Variants in MACF1 observed in about 807,000 individuals in gnomAD.
MACF1 encodes the protein microtubule actin crosslinking factor 1.
A neutral mutation model predicts 854.8 loss-of-function variants in MACF1; 193 were observed. That is an observed-to-expected ratio of 0.23 (90% CI 0.20 to 0.25). The LOEUF is 0.25. Among genes scored for constraint, MACF1 ranks in the 10% least tolerant of loss-of-function variants. The pLI is 1.00. For missense variants in MACF1, 7,722 were observed against 8,929.1 expected, an observed-to-expected ratio of 0.86 and a Z score of 5.45; for synonymous variants, 3,185 against 3,226.7, an observed-to-expected ratio of 0.99 and a Z score of 0.44.
chr1:39,315,449 G>T, intron 26 of MACF1, 64 bp from the exon 27 acceptor site: 3 of 1,491,780 alleles, frequency 2.0e-6, no homozygotes, highest in Non-Finnish European at 1.8e-6. Context: ...TACAAATGTG[G>T]ACTTCTTTCT....
In MACF1 at chr1:39,385,661, C is replaced by G. The variant is rs751099693; in HGVS notation, c.14076C>G (p.Leu4692=). 1.9e-6 allele frequency: 3 copies of G among 1,614,144 alleles called. No homozygotes were observed. Among genetic ancestry groups the G allele is most frequent in the Non-Finnish European group, 2.5e-6 (3 of 1,180,032 alleles). Residue 4692 remains leucine, a synonymous_variant, in exon 57 of 101, where the codon CTC becomes CTG. Transcript: ENST00000564288. The stretch of plus-strand genomic sequence containing the variant: ...AGAGCACCCAGTACCAGGAACTGCT[C>G]CAGGACTTATCAGAGAAGGTGAGGG... The part of the protein sequence containing the change: ...IVKSTQYQEL[L]QDLSEKVRAV...
rs1646258088 is a variant in MACF1, at chr1:39,309,552, G to A, written c.2790-18G>A. 6.2e-7 allele frequency: 1 copy of A among 1,613,760 alleles called. No individual in the cohort carries two copies. The highest frequency in any genetic ancestry group is 2.2e-5 in the East Asian group (1 of 44,882). On this transcript the variant is annotated intron_variant, in intron 23 of 100. Coordinates refer to ENST00000564288, the MANE Select transcript of MACF1 (RefSeq NM_001394062.1). Reference sequence around the variant, plus strand: ...GAAGTCTTACAAAGGTAATAGTCAGGTTCTGTGTTATTTCTAGGGTCGAAC... The same window carrying A: ...GAAGTCTTACAAAGGTAATAGTCAGATTCTGTGTTATTTCTAGGGTCGAAC...
chr1:39,279,892 A>G (rs1174385481), intron 6 of MACF1, among the ~76,000 whole-genome samples: 2 of 152,202 alleles, frequency 1.3e-5, no homozygotes, highest in African/African-American at 2.4e-5. Flanking sequence ...TATTATAAAA[A>G]TAAAGTGTGG....
At chr1:39,431,157 C>T (rs1643870388) in intron 66 of MACF1, among the ~76,000 whole-genome samples, 1 of 152,176 alleles carries the variant, frequency 6.6e-6, no homozygotes, top group Admixed American at 6.5e-5. Context: ...GAGGCCTTTT[C>T]TTAGCTAATG....
At position 39,190,389 on chromosome 1, in the gene MACF1, G is replaced by T. The variant is rs999294497; in HGVS notation, c.221-40793G>T. On this transcript the variant is annotated intron_variant, in intron 2 of 93. Coordinates refer to the MACF1 transcript ENST00000361689. Reference sequence around the variant, plus strand: ...TTCTTTTGTGTGTGTGTGTGTGTGTGTGTTTGTTTTTGTTTTTTTTTTTTT... The same window carrying T: ...TTCTTTTGTGTGTGTGTGTGTGTGTTTGTTTGTTTTTGTTTTTTTTTTTTT... Among the ~76,000 whole-genome samples the T allele has an allele frequency of 5.4e-3, 401 of 74,400 alleles. 2 individuals are homozygous for T. The highest frequency in any genetic ancestry group is 9.2e-3 in the Non-Finnish European group (317 of 34,434). 48.8% of individuals were successfully genotyped at this position (74,400 alleles called of 152,430 possible).
At position 39,481,015 on chromosome 1, in the gene MACF1, G is replaced by A; in HGVS notation, c.22266G>A (p.Gln7422=). The change falls in exon 99 of 101, where the codon CAG becomes CAA. Residue 7422 remains glutamine, a synonymous_variant. Coordinates refer to ENST00000564288, the MANE Select transcript of MACF1 (RefSeq NM_001394062.1). The part of the protein sequence containing the change: ...PIRDSHSPDL[Q]LPTPEVIPSS... ...GGGACAGCCATTCTCCTGACCTCCA[G>A]CTGCCCACCCCCGAGGTAGAGTATG... The A allele has an allele frequency of 1.9e-6, 3 of 1,550,076 alleles. No homozygotes were observed. Among genetic ancestry groups the A allele is most frequent in the Non-Finnish European group, 2.6e-6 (3 of 1,146,440 alleles).
chr1:39,475,328 G>T (rs984051157), intron 97 of MACF1, among the ~76,000 whole-genome samples: 1 of 152,090 alleles, frequency 6.6e-6, no homozygotes, highest in Non-Finnish European at 1.5e-5. Flanking sequence ...AATTAGCCAG[G>T]CAAGGTGGTA....
intron 95 of MACF1, 163 bp from the exon 96 acceptor site, chr1:39,468,452 A>T: frequency 1.7e-6 from 1 of 582,100 alleles, no homozygotes; most frequent in Non-Finnish European, 3.0e-6. Context: ...TTCTATTTTT[A>T]AAATCCTTTT....
intron 1 of MACF1, among the ~76,000 whole-genome samples, chr1:39,207,807 T>C (rs1321832760): frequency 6.6e-6 from 1 of 152,112 alleles, no homozygotes; most frequent in Non-Finnish European, 1.5e-5. Flanking sequence ...CATCTAAAAA[T>C]TGATTCTCTG....
intron 58 of MACF1, chr1:39,414,647 T>G (rs3768302): frequency 0.2 from 203,978 of 1,034,162 alleles, 21,473 homozygotes; most frequent in Non-Finnish European, 0.22. Flanking sequence ...TATACTTTAA[T>G]TTTGTCTGGT....
At chr1:39,142,050 C>T (rs1643357427) in intron 2 of MACF1, among the ~76,000 whole-genome samples, 1 of 152,142 alleles carries the variant, frequency 6.6e-6, no homozygotes, top group African/African-American at 2.4e-5. Context: ...GCAGCATTTG[C>T]TTTTTGTGGG....
chr1:39,127,947 C>CAAAA, intron 2 of MACF1, among the ~76,000 whole-genome samples: 1 of 152,286 alleles, frequency 6.6e-6, no homozygotes, highest in Admixed American at 6.5e-5. Flanking sequence ...AACATGTTCA[C>CAAAA]TGTAATACAT....
chr1:39,417,362 G>A (rs915001368), intron 58 of MACF1, among the ~76,000 whole-genome samples: 5 of 152,112 alleles, frequency 3.3e-5, no homozygotes, highest in African/African-American at 1.2e-4. Flanking sequence ...AAAACCTTTT[G>A]TATAAAATAA....
intron 44 of MACF1, among the ~76,000 whole-genome samples, chr1:39,356,732 G>A (rs1023202475): frequency 1.3e-5 from 2 of 152,192 alleles, no homozygotes; most frequent in Admixed American, 1.3e-4. Flanking sequence ...CACTAATGTA[G>A]ATGATTATTA....
Position 39,467,238 on chromosome 1 carries a change from G to T in MACF1, c.21772-1377G>T, listed in dbSNP as rs181049201. On this transcript the variant is annotated intron_variant, in intron 95 of 100. Transcript: ENST00000564288. The stretch of plus-strand genomic sequence containing the variant: ...AAAATTAGCCGGCCTGGTGGCGGGC[G>T]CCTGTAGTCCCAGCTACTCGGAAGG... Among the ~76,000 whole-genome samples the T allele has an allele frequency of 1.7e-3, 258 of 152,200 alleles. 8 individuals are homozygous for T. The East Asian group carries it at 0.046, about 27-fold the overall frequency.
chr1:39,453,778 G>A lies in MACF1; in HGVS notation c.20814G>A (p.Leu6938=). 6.2e-7 allele frequency: 1 copy of A among 1,614,198 alleles called. No individual in the cohort carries two copies. ...CAGTAGCCATGGGAGAAGTCATCCT[G>A]GCTGTCTGCCACCCCGATTGCATCA... The part of the protein sequence containing the change: ...NSAVAMGEVI[L]AVCHPDCITT... The change falls in exon 88 of 101, where the codon CTG becomes CTA. Residue 6938 remains leucine, a synonymous_variant. Transcript: ENST00000564288.
At chr1:39,299,203 A>C in intron 21 of MACF1, 1 of 456,084 alleles carries the variant, frequency 2.2e-6, no homozygotes, top group Non-Finnish European at 4.4e-6. Context: ...CCTCTTTCTT[A>C]ACTAATAAGT....
chr1:39,444,667 C>A lies in MACF1; in HGVS notation c.19437C>A (p.Leu6479=). The part of the protein sequence containing the change: ...AREQLDTHME[L]YSQLKAKEET... Reference sequence around the variant, plus strand: ...TTTCCTGCCTTTTCTTGTAGGAACTCTATTCCCAGCTGAAAGCCAAGGAAG... The same window carrying A: ...TTTCCTGCCTTTTCTTGTAGGAACTATATTCCCAGCTGAAAGCCAAGGAAG... The change falls in exon 80 of 101, where the codon CTC becomes CTA. Residue 6479 remains leucine (L), a synonymous_variant. Coordinates refer to ENST00000564288, the MANE Select transcript of MACF1 (RefSeq NM_001394062.1). 6.2e-7 allele frequency: 1 copy of A among 1,609,520 alleles called. No individual in the cohort carries two copies. The highest frequency in any genetic ancestry group is 8.5e-7 in the Non-Finnish European group (1 of 1,176,928).
chr1:39,430,328 T>A (rs1305849710), intron 65 of MACF1, among the ~76,000 whole-genome samples: 1 of 151,986 alleles, frequency 6.6e-6, no homozygotes, highest in Non-Finnish European at 1.5e-5. Flanking sequence ...TTTATTTGAT[T>A]TCTCTGCAGG....
Sources: gnomAD v4.1 joint callset for allele counts (sites outside exome capture counted in the v4.1 genomes callset) on GRCh38, gnomAD v4.1.1 for gene constraint, MANE v1.5 for transcripts, NCBI Gene and HGNC (gene_info 2026-07-23, HGNC 2026-07-21) for gene names.